WDR59: variants seen among roughly 807,000 people sequenced by gnomAD.
The protein encoded by WDR59 is WD repeat domain 59.
A neutral mutation model predicts 131.2 loss-of-function variants in WDR59; 100 were observed. The ratio of observed to expected loss-of-function variants is 0.76; its 90% CI spans 0.65 to 0.90. The LOEUF is 0.90. Among genes scored for constraint, WDR59 ranks in the 40% least tolerant of loss-of-function variants. The probability of loss-of-function intolerance (pLI) is 0.00; values close to 1 mark genes in which losing one functional copy is unlikely to be tolerated. For missense variants in WDR59, 1,203 were observed against 1,262.2 expected, an observed-to-expected ratio of 0.95 and a Z score of 0.71; for synonymous variants, 601 against 466.2, an observed-to-expected ratio of 1.29 and a Z score of -3.72.
intron 25 of WDR59, among the ~76,000 whole-genome samples, chr16:74,882,463 T>A (rs561596172): frequency 6.6e-6 from 1 of 152,252 alleles, no homozygotes; most frequent in South Asian, 2.1e-4. Flanking sequence ...CCAGGTATGG[T>A]GTCTCACACC....
At chr16:74,880,662 G>C (rs985836162) in intron 25 of WDR59, among the ~76,000 whole-genome samples, 2 of 152,156 alleles carry the variant, frequency 1.3e-5, no homozygotes, top group African/African-American at 4.8e-5. Flanking sequence ...AAGAGGCACA[G>C]GACGACAGGA....
chr16:74,892,247 G>T (rs752295598), intron 20 of WDR59, among the ~76,000 whole-genome samples: 134 of 152,142 alleles, frequency 8.8e-4, no homozygotes, highest in Non-Finnish European at 1.5e-3. Context: ...ACAGAAAAGA[G>T]ATGTATAATT....
At chr16:74,970,257 G>C (rs1247211100) in intron 1 of WDR59, among the ~76,000 whole-genome samples, 1 of 151,942 alleles carries the variant, frequency 6.6e-6, no homozygotes, top group Non-Finnish European at 1.5e-5. Context: ...TATATGTCTA[G>C]TTTTCTAGCA....
chr16:74,881,084 T>C (rs1221698296), intron 25 of WDR59, among the ~76,000 whole-genome samples: 1 of 152,194 alleles, frequency 6.6e-6, no homozygotes, highest in Non-Finnish European at 1.5e-5. Context: ...GCGCATCATA[T>C]ACCACAGTCA....
At chr16:74,936,377 C>T (rs1286974842) in intron 8 of WDR59, among the ~76,000 whole-genome samples, 1 of 151,968 alleles carries the variant, frequency 6.6e-6, no homozygotes, top group Non-Finnish European at 1.5e-5. Context: ...CTGGCTGTTA[C>T]CTGCTTTATT....
chr16:74,874,339 C>T lies in WDR59; in HGVS notation c.2795G>A (p.Arg932Gln), dbSNP rs751683751. The T allele has an allele frequency of 1.3e-5, 21 of 1,614,044 alleles. No individual in the cohort carries two copies. The highest frequency in any genetic ancestry group is 2.7e-5 in the African/African-American group (2 of 74,934). Residue 932 changes from arginine (R) to glutamine (Q), a missense_variant, in exon 26 of 26, where the codon CGG becomes CAG. Transcript: ENST00000262144. ...GGTCAGGCAGAAATTGGACGATCCC[C>T]GCACAGCCACGTGACAGATGGCACA... ...FQCAICHVAV[R>Q]GSSNFCLTCG...
intron 25 of WDR59, among the ~76,000 whole-genome samples, chr16:74,881,716 T>C (rs977489669): frequency 6.6e-6 from 1 of 151,438 alleles, no homozygotes; most frequent in East Asian, 1.9e-4. Flanking sequence ...CTACTAAAAA[T>C]TTAAAAATTA....
At chr16:74,981,661 T>TACATATATATATATATATA (rs1273671007) in intron 1 of WDR59, among the ~76,000 whole-genome samples, 1 of 12,962 alleles carries the variant, frequency 7.7e-5, no homozygotes, top group African/African-American at 2.5e-4. Flanking sequence ...TATATATATA[T>TACATATATATATATATATA]TTTTTTTTTT....
Position 74,928,453 on chromosome 16 carries a change from A to T in WDR59, c.652-4450T>A, listed in dbSNP as rs146057588. ...AGGCTGGTCTTGAACTCCTGGGCTC[A>T]AGTGATCTGCTTGCCTAAACCTCCC... On this transcript the variant is annotated intron_variant, in intron 8 of 25. Transcript: ENST00000262144. 8.1e-3 allele frequency among the ~76,000 whole-genome samples: 1,221 copies of T among 149,984 alleles called. 10 individuals carry two copies. Among genetic ancestry groups the T allele is most frequent in the Non-Finnish European group, 0.013 (871 of 67,450 alleles).
intron 18 of WDR59, among the ~76,000 whole-genome samples, chr16:74,898,257 G>A (rs956026196): frequency 6.6e-6 from 1 of 152,158 alleles, no homozygotes; most frequent in African/African-American, 2.4e-5. Context: ...GGGCGCCATG[G>A]TCTAAAAGCC....
intron 18 of WDR59, among the ~76,000 whole-genome samples, chr16:74,898,279 T>C (rs545363372): frequency 6.6e-6 from 1 of 152,306 alleles, no homozygotes; most frequent in South Asian, 2.1e-4. Flanking sequence ...CTGATCCTCC[T>C]GCATTGCTCC....
intron 18 of WDR59, among the ~76,000 whole-genome samples, chr16:74,895,148 A>C (rs1965234912): frequency 6.6e-6 from 1 of 152,202 alleles, no homozygotes; most frequent in Non-Finnish European, 1.5e-5. Context: ...GGACATGTGG[A>C]GTTAGTTCAG....
Position 74,984,958 on chromosome 16 carries a change from G to C in WDR59, c.54+6C>G, listed in dbSNP as rs1475647991. The stretch of plus-strand genomic sequence containing the variant: ...CCCAGAGGGCTCCACTCGGCCTCTA[G>C]CTCACCTGGGAGTCACGGAACTCTA... On this transcript the variant is annotated splice_donor_region_variant and intron_variant, in intron 1 of 25. Coordinates refer to ENST00000262144, the MANE Select transcript of WDR59 (RefSeq NM_030581.4). 1 of 1,603,826 alleles carries C rather than the reference G, an allele frequency of 6.2e-7. No homozygotes were observed. Among genetic ancestry groups the C allele is most frequent in the African/African-American group, 1.3e-5 (1 of 74,872 alleles).
chr16:74,894,353 T>C (rs1965187374), intron 18 of WDR59, among the ~76,000 whole-genome samples: 5 of 152,182 alleles, frequency 3.3e-5, no homozygotes, highest in African/African-American at 9.7e-5. Context: ...ACTTGAATTA[T>C]TTCTAAAAGT....
In WDR59 at chr16:74,876,655, T is replaced by TG. The variant is rs564141729; in HGVS notation, c.2690-2212dup. Among the ~76,000 whole-genome samples, 653 of 152,270 alleles carry TG rather than the reference T, an allele frequency of 4.3e-3. 4 individuals are homozygous for TG. The highest frequency in any genetic ancestry group is 0.02 in the Middle Eastern group (6 of 294). ...ATTTCGTTAATTAGCGAATGATCTTTGGGGGGATCTGGACAATTTCTAAGG... is the reference window on the plus strand; with the variant it reads ...ATTTCGTTAATTAGCGAATGATCTTTGGGGGGGATCTGGACAATTTCTAAGG... On this transcript the variant is annotated intron_variant, in intron 25 of 25. Coordinates refer to ENST00000262144, the MANE Select transcript of WDR59 (RefSeq NM_030581.4).
At position 74,985,116 on chromosome 16, in the gene WDR59, C is replaced by A; in HGVS notation, c.-99G>T. 2 of 1,173,316 alleles carry A rather than the reference C, an allele frequency of 1.7e-6. No individual in the cohort carries two copies. Among genetic ancestry groups the A allele is most frequent in the East Asian group, 2.6e-5 (1 of 39,134 alleles). 72.7% of individuals were successfully genotyped at this position (1,173,316 alleles called of 1,614,324 possible). On this transcript the variant is annotated 5_prime_UTR_variant, in exon 1 of 26. Transcript: ENST00000262144. ...CGCCCCACACAGCCAGAGAATCAGC[C>A]CCGACACGCCCCGTGCCCTGGTTGC...
chr16:74,893,925 T>G lies in WDR59; in HGVS notation c.1867-113A>C, dbSNP rs368091598. The G allele has an allele frequency of 5.2e-6, 6 of 1,160,944 alleles. No individual in the cohort carries two copies. In the African/African-American group the frequency reaches 9.2e-5, roughly 18 times the overall value. 71.9% of individuals were successfully genotyped at this position (1,160,944 alleles called of 1,614,324 possible). ...CAATTTGCACTTTTTAAAAATTACA[T>G]CATGCCCACAATTATGGGAATCAGC... is the stretch of plus-strand genomic sequence containing the variant. On this transcript the variant is annotated intron_variant, in intron 18 of 25. Transcript: ENST00000262144.
At chr16:74,926,518 T>A in intron 8 of WDR59, among the ~76,000 whole-genome samples, 1 of 152,240 alleles carries the variant, frequency 6.6e-6, no homozygotes, top group East Asian at 1.9e-4. Flanking sequence ...AAACCAGTTT[T>A]GATAATGGCC....
intron 1 of WDR59, among the ~76,000 whole-genome samples, chr16:74,968,706 C>A (rs1156904176): frequency 6.6e-6 from 1 of 152,048 alleles, no homozygotes; most frequent in African/African-American, 2.4e-5. Flanking sequence ...GCCTGGGCGA[C>A]AGAGCAAGAC....
Sources: allele counts gnomAD v4.1 joint callset (sites outside exome capture counted in the v4.1 genomes callset), GRCh38; gene constraint gnomAD v4.1.1; transcripts MANE v1.5; gene names NCBI Gene and HGNC (gene_info 2026-07-23, HGNC 2026-07-21).